COPB1: variants seen among roughly 807,000 people sequenced by gnomAD.
COPB1 encodes the protein coat protein complex I subunit beta 1, also known as coatomer subunit beta.
COPB1 carries 21 observed loss-of-function variants against 108.7 expected under a neutral mutation model. The observed-to-expected ratio is 0.19, with a 90% confidence interval of 0.14 to 0.28. COPB1 has a LOEUF of 0.28. Among genes scored for constraint, COPB1 ranks in the 10% least tolerant of loss-of-function variants. COPB1 has a pLI of 1.00. For missense variants in COPB1, 919 were observed against 1,141.3 expected, an observed-to-expected ratio of 0.81 and a Z score of 2.81; for synonymous variants, 378 against 386.8, an observed-to-expected ratio of 0.98 and a Z score of 0.27.
chr11:14,469,732 T>C (rs1850362789), intron 14 of COPB1, among the ~76,000 whole-genome samples, 169 bp from the exon 15 acceptor site: 1 of 152,224 alleles, frequency 6.6e-6, no homozygotes. Flanking sequence ...TCCTTTCTAC[T>C]CTTAACTGCC....
Position 14,483,012 on chromosome 11 carries a change from CT to C in COPB1, c.957+19del. Reference sequence around the variant, plus strand: ...GAAAAACATTTTATTTAGGATCTCTCTTTTTCAGATAACACTTACCTGTAGT... The same window carrying C: ...GAAAAACATTTTATTTAGGATCTCTCTTTTCAGATAACACTTACCTGTAGT... On this transcript the variant is annotated intron_variant, in intron 8 of 21. Coordinates refer to ENST00000439561, the MANE Select transcript of COPB1 (RefSeq NM_001144061.2). 6.6e-7 allele frequency: 1 copy of C among 1,519,980 alleles called. No homozygotes were observed. The highest frequency in any genetic ancestry group is 8.9e-7 in the Non-Finnish European group (1 of 1,123,204). The allele number at this position is 1,519,980 out of a possible 1,614,324, so 94.2% of individuals were successfully genotyped here. A position where few individuals can be genotyped will look rare whatever the true frequency, so the allele number is the denominator to read the frequency against.
intron 18 of COPB1, 137 bp from the exon 19 acceptor site, chr11:14,461,468 T>A: frequency 2.6e-6 from 2 of 778,552 alleles, no homozygotes; most frequent in East Asian, 5.6e-5. Context: ...TACAGAGCTC[T>A]ATTCTACATG....
intron 20 of COPB1, among the ~76,000 whole-genome samples, chr11:14,459,333 G>A (rs2134090363): frequency 6.6e-6 from 1 of 152,132 alleles, no homozygotes; most frequent in East Asian, 1.9e-4. Flanking sequence ...AGTATATGCT[G>A]AATAAACTAA....
intron 5 of COPB1, 150 bp downstream of exon 5, chr11:14,490,415 G>T (rs1000140461): frequency 4.0e-6 from 2 of 494,672 alleles, no homozygotes; most frequent in Middle Eastern, 5.2e-4. Flanking sequence ...AGAAAAAAAT[G>T]TATTTTTCTA....
chr11:14,490,077 G>A (rs1475465164), intron 5 of COPB1, among the ~76,000 whole-genome samples: 1 of 152,152 alleles, frequency 6.6e-6, no homozygotes, highest in Non-Finnish European at 1.5e-5. Flanking sequence ...GGTGTACAGA[G>A]TAATTGCTAA....
chr11:14,459,504 A>G (rs113671569), intron 20 of COPB1, among the ~76,000 whole-genome samples: 232 of 152,320 alleles, frequency 1.5e-3, no homozygotes, highest in Non-Finnish European at 2.6e-3. Flanking sequence ...CAAACATAGC[A>G]AAAAGTCACA....
chr11:14,481,598 T>G (rs539513703), intron 8 of COPB1, among the ~76,000 whole-genome samples: 1 of 152,214 alleles, frequency 6.6e-6, no homozygotes, highest in South Asian at 2.1e-4. Flanking sequence ...AATCTACATA[T>G]AGACTTGGTA....
chr11:14,476,338 T>C (rs1028531663), intron 12 of COPB1, among the ~76,000 whole-genome samples: 3 of 152,200 alleles, frequency 2.0e-5, no homozygotes, highest in Non-Finnish European at 2.9e-5. Flanking sequence ...ACAGTACTCA[T>C]CCTTCTAAAA....
chr11:14,493,033 C>T (rs1047813745), intron 4 of COPB1, among the ~76,000 whole-genome samples: 1 of 152,120 alleles, frequency 6.6e-6, no homozygotes, highest in African/African-American at 2.4e-5. Context: ...GTAATCCCAG[C>T]TACTTGGGAG....
chr11:14,457,947 T>C (rs1850063874), intron 21 of COPB1, 64 bp from the exon 22 acceptor site: 4 of 968,640 alleles, frequency 4.1e-6, no homozygotes, highest in African/African-American at 3.4e-5. Flanking sequence ...GGTTATTCCA[T>C]ATTATTAAGC....
chr11:14,475,825 C>G lies in COPB1; in HGVS notation c.1576G>C (p.Ala526Pro). 1 of 1,613,122 alleles carries G rather than the reference C, an allele frequency of 6.2e-7. No individual in the cohort carries two copies. Among genetic ancestry groups the G allele is most frequent in the South Asian group, 1.1e-5 (1 of 90,958 alleles). ...TEMGTYATQS[A>P]LSSSRPTKKE... is the part of the protein sequence containing the mutation. ...TTGGTGGGTCTAGAACTGCTAAGGG[C>G]ACTCTGAGTTGCATAGGTACCCATT... The change falls in exon 13 of 22, where the codon GCC becomes CCC. Residue 526 changes from alanine to proline, a missense_variant. This residue lies in a region of COPB1 where 705 missense variants were observed against 817.8 expected (regional missense o/e 0.86). Transcript: ENST00000439561.
chr11:14,498,911 G>C lies in COPB1; in HGVS notation c.18C>G (p.Asn6Lys). The C allele has an allele frequency of 6.2e-7, 1 of 1,608,158 alleles. No homozygotes were observed. Among genetic ancestry groups the C allele is most frequent in the Non-Finnish European group, 8.5e-7 (1 of 1,178,826 alleles). ...GCACGTTAATTAACGTGTAGCATAC[G>C]TTCTCAGCCGCCGTCATGGTTTCTG... MTAAENVCYTLINVPM... is the reference protein window; with the variant it reads MTAAEKVCYTLINVPM... The change falls in exon 2 of 22, where the codon AAC (asparagine) becomes AAG (lysine). Residue 6 changes from asparagine to lysine, a missense_variant. Transcript: ENST00000439561.
chr11:14,487,712 A>C lies in COPB1; in HGVS notation c.699+780T>G, dbSNP rs565744253. ...AACAACAAAAAAAAAACAAAAAAAA[A>C]CTGTACAGTAAGTCTTGGTTTCATC... On this transcript the variant is annotated intron_variant, in intron 6 of 21. Transcript: ENST00000439561. 7.9e-5 allele frequency among the ~76,000 whole-genome samples: 12 copies of C among 152,034 alleles called. No individual in the cohort carries two copies. In the East Asian group the frequency reaches 2.1e-3, roughly 27 times the overall value.
chr11:14,488,476 A>G lies in COPB1; in HGVS notation c.699+16T>C. 6.5e-7 allele frequency: 1 copy of G among 1,547,092 alleles called. No homozygotes were observed. The highest frequency in any genetic ancestry group is 8.9e-7 in the Non-Finnish European group (1 of 1,127,268). On this transcript the variant is annotated intron_variant, in intron 6 of 21. Transcript: ENST00000439561. ...CTGCTGAGTTTATTTTACTCATCAT[A>G]GATTATCATTCTTACCTTATAAATC...
intron 6 of COPB1, 133 bp from the exon 7 acceptor site, chr11:14,486,637 T>G (rs532063290): frequency 9.1e-7 from 1 of 1,102,840 alleles, no homozygotes; most frequent in East Asian, 2.4e-5. Flanking sequence ...TATGAGGACA[T>G]GAAAATATCA....
At chr11:14,492,634 C>G (rs1041985440) in intron 4 of COPB1, among the ~76,000 whole-genome samples, 1 of 152,068 alleles carries the variant, frequency 6.6e-6, no homozygotes, top group Non-Finnish European at 1.5e-5. Flanking sequence ...TGAGCCACCA[C>G]GCCTGGCTCA....
In COPB1 at chr11:14,461,231, A is replaced by T. The variant is rs761141666; in HGVS notation, c.2511T>A (p.Asp837Glu). ...CGGCCCACATCTGACGGAATTCTGC[A>T]TCAGTGCAAGTTGCAGGCTGGATAT... ...MDYIQPATCT[D>E]AEFRQMWAEF... is the part of the protein sequence containing the mutation. The change falls in exon 19 of 22, where the codon GAT (aspartate) becomes GAA (glutamate). Residue 837 changes from aspartate (D) to glutamate (E), a missense_variant. Transcript: ENST00000439561. 9 of 1,614,210 alleles carry T rather than the reference A, an allele frequency of 5.6e-6. No homozygotes were observed. Among genetic ancestry groups the T allele is most frequent in the Non-Finnish European group, 6.8e-6 (8 of 1,180,032 alleles).
intron 8 of COPB1, 40 bp downstream of exon 8, chr11:14,482,992 A>C (rs748850602): frequency 7.4e-6 from 11 of 1,490,602 alleles, no homozygotes; most frequent in Admixed American, 4.1e-5. Flanking sequence ...AATTTGAAAA[A>C]CATTTTATTT....
At chr11:14,493,890 G>A in intron 3 of COPB1, 79 bp from the exon 4 acceptor site, 22 of 1,224,886 alleles carry the variant, frequency 1.8e-5, no homozygotes, top group South Asian at 3.5e-5. Flanking sequence ...ACTTTCCAAT[G>A]GAAAAAAAAT....
Sources: allele counts gnomAD v4.1 joint callset (sites outside exome capture counted in the v4.1 genomes callset), GRCh38; gene constraint gnomAD v4.1.1; regional missense constraint gnomAD v4.1.1; transcripts MANE v1.5; gene names NCBI Gene and HGNC (gene_info 2026-07-23, HGNC 2026-07-21).